Variants in LRRC7 observed in about 807,000 individuals in gnomAD.
The protein encoded by LRRC7 is leucine rich repeat containing 7.
A neutral mutation model predicts 175.7 loss-of-function variants in LRRC7; 23 were observed. The observed-to-expected ratio is 0.13, with a 90% confidence interval of 0.09 to 0.19. LRRC7 has a LOEUF of 0.19. Among genes scored for constraint, LRRC7 ranks in the 10% least tolerant of loss-of-function variants. The probability of loss-of-function intolerance (pLI) is 1.00; values close to 1 mark genes in which losing one functional copy is unlikely to be tolerated. For missense variants in LRRC7, 1,354 were observed against 1,904.7 expected (o/e 0.71, Z 5.38); for synonymous variants, 685 against 680.9 (o/e 1.01, Z -0.09).
intron 1 of LRRC7, among the ~76,000 whole-genome samples, chr1:69,582,385 C>T (rs1471538041): frequency 6.6e-6 from 1 of 152,170 alleles, no homozygotes; most frequent in Non-Finnish European, 1.5e-5. Context: ...TTTACCCAAT[C>T]TTCTCACTCC....
intron 8 of LRRC7, among the ~76,000 whole-genome samples, chr1:69,936,291 G>T (rs1648012722): frequency 6.6e-6 from 1 of 152,116 alleles, no homozygotes; most frequent in South Asian, 2.1e-4. Flanking sequence ...GTTAGGACTT[G>T]ATTACAACGG....
At chr1:69,598,816 A>G (rs192751433) in intron 1 of LRRC7, among the ~76,000 whole-genome samples, 11 of 152,340 alleles carry the variant, frequency 7.2e-5, no homozygotes, top group Admixed American at 7.2e-4. Context: ...CCATCAGCAA[A>G]GTCAATAATC....
At chr1:69,859,943 G>T (rs953652870) in intron 7 of LRRC7, among the ~76,000 whole-genome samples, 1 of 151,914 alleles carries the variant, frequency 6.6e-6, no homozygotes, top group Non-Finnish European at 1.5e-5. Flanking sequence ...TGAACTAAGT[G>T]ATGTGATTTA....
intron 4 of LRRC7, among the ~76,000 whole-genome samples, chr1:69,816,022 C>T (rs1678552727): frequency 6.6e-6 from 1 of 151,602 alleles, no homozygotes; most frequent in Admixed American, 6.6e-5. Context: ...GCTGTGTCGC[C>T]CAGGCTGGGG....
At chr1:69,663,879 G>A (rs1005292121) in intron 1 of LRRC7, among the ~76,000 whole-genome samples, 3 of 150,764 alleles carry the variant, frequency 2.0e-5, no homozygotes, top group South Asian at 4.2e-4. Context: ...CCGCCACCGC[G>A]CCCGGCTAAT....
At chr1:70,000,690 T>G (rs1364955576) in intron 11 of LRRC7, among the ~76,000 whole-genome samples, 1 of 152,148 alleles carries the variant, frequency 6.6e-6, no homozygotes, top group Non-Finnish European at 1.5e-5. Flanking sequence ...TCCCCACTCT[T>G]CATAAGGCTG....
chr1:70,123,144 T>G lies in LRRC7; in HGVS notation c.*1257T>G. On this transcript the variant is annotated 3_prime_UTR_variant, in exon 27 of 27. Coordinates refer to ENST00000651989, the MANE Select transcript of LRRC7 (RefSeq NM_001370785.2). ...GAATTATTTACTTTTCCATTGAAAC[T>G]ATTTTCCTGCATAAATGATCAAAAT... 6.6e-6 allele frequency: 1 copy of G among 152,618 alleles called. No homozygotes were observed. The highest frequency in any genetic ancestry group is 6.5e-5 in the Admixed American group (1 of 15,290). 9.5% of individuals were successfully genotyped at this position (152,618 alleles called of 1,614,324 possible). A position where few individuals can be genotyped will look rare whatever the true frequency, so the allele number is the denominator to read the frequency against.
intron 23 of LRRC7, among the ~76,000 whole-genome samples, chr1:70,074,893 A>G (rs980455701): frequency 3.3e-5 from 5 of 152,104 alleles, no homozygotes; most frequent in Admixed American, 6.5e-5. Context: ...AATCTCTTCC[A>G]TGAATACTTA....
chr1:69,629,058 G>A (rs1489149581), intron 1 of LRRC7, among the ~76,000 whole-genome samples: 1 of 152,036 alleles, frequency 6.6e-6, no homozygotes, highest in Non-Finnish European at 1.5e-5. Context: ...CCTTGGGTTT[G>A]GAAGTGCATT....
chr1:69,709,176 A>G (rs1664438154), intron 2 of LRRC7, among the ~76,000 whole-genome samples: 1 of 152,216 alleles, frequency 6.6e-6, no homozygotes, highest in Admixed American at 6.5e-5. Context: ...TTAAACTCCA[A>G]AATTAAACTC....
intron 1 of LRRC7, among the ~76,000 whole-genome samples, chr1:69,614,244 C>A (rs1011281848): frequency 6.6e-6 from 1 of 151,728 alleles, no homozygotes; most frequent in African/African-American, 2.4e-5. Flanking sequence ...CTCGAAGTGA[C>A]ACATGTGATA....
At chr1:69,819,175 T>G (rs930050017) in intron 4 of LRRC7, among the ~76,000 whole-genome samples, 8 of 152,160 alleles carry the variant, frequency 5.3e-5, no homozygotes, top group African/African-American at 1.9e-4. Context: ...GATCTTTCTT[T>G]GTTCTTAATT....
At chr1:69,857,478 A>G (rs1465686315) in intron 7 of LRRC7, among the ~76,000 whole-genome samples, 1 of 152,184 alleles carries the variant, frequency 6.6e-6, no homozygotes, top group African/African-American at 2.4e-5. Flanking sequence ...TAACAGACAA[A>G]CAGCCAAATC....
At chr1:69,754,164 T>G (rs1670151424) in intron 2 of LRRC7, among the ~76,000 whole-genome samples, 1 of 152,040 alleles carries the variant, frequency 6.6e-6, no homozygotes, top group South Asian at 2.1e-4. Flanking sequence ...TTTTGGACTT[T>G]ACTTTGAGGA....
chr1:69,688,100 T>C (rs1392265751), intron 2 of LRRC7, among the ~76,000 whole-genome samples: 1 of 152,228 alleles, frequency 6.6e-6, no homozygotes, highest in Non-Finnish European at 1.5e-5. Flanking sequence ...AACTGAGAAG[T>C]CTGACAAACC....
intron 1 of LRRC7, among the ~76,000 whole-genome samples, chr1:69,609,850 G>A (rs777621294): frequency 6.6e-6 from 1 of 151,990 alleles, no homozygotes; most frequent in African/African-American, 2.4e-5. Flanking sequence ...CTAGAAATGA[G>A]ATGACTCATA....
chr1:69,939,163 G>A (rs1299995659), intron 8 of LRRC7, among the ~76,000 whole-genome samples: 1 of 151,468 alleles, frequency 6.6e-6, no homozygotes, highest in Non-Finnish European at 1.5e-5. Flanking sequence ...AGTCCAGTCA[G>A]CAGGTGAAAA....
intron 11 of LRRC7, among the ~76,000 whole-genome samples, chr1:70,003,872 G>A (rs1454021049): frequency 6.6e-6 from 1 of 151,828 alleles, no homozygotes; most frequent in African/African-American, 2.4e-5. Context: ...CTTTGCTAAT[G>A]AATGAAGCTA....
chr1:69,699,544 AAG>A (rs1663074599), intron 2 of LRRC7, among the ~76,000 whole-genome samples: 1 of 150,786 alleles, frequency 6.6e-6, no homozygotes, highest in African/African-American at 2.4e-5. Context: ...TCTAAAAAAA[AAG>A]AGAGAGAATC....
Sources: gnomAD v4.1 joint callset for allele counts (sites outside exome capture counted in the v4.1 genomes callset) on GRCh38, gnomAD v4.1.1 for gene constraint, MANE v1.5 for transcripts, NCBI Gene and HGNC (gene_info 2026-07-23, HGNC 2026-07-21) for gene names.